Variants in ARHGAP15 observed in about 807,000 individuals in gnomAD.
The protein encoded by ARHGAP15 is rho GTPase-activating protein 15.
A neutral mutation model predicts 63.7 loss-of-function variants in ARHGAP15; 51 were observed. The observed-to-expected ratio is 0.80, with a 90% CI of 0.64 to 1.01. The LOEUF (loss-of-function observed/expected upper bound fraction) is 1.01, where lower values mean the gene tolerates loss of function less well. Among genes scored for constraint, ARHGAP15 ranks in the 50% least tolerant of loss-of-function variants. The pLI, the probability that ARHGAP15 is intolerant of heterozygous loss-of-function variation, is 0.00. For synonymous variants in ARHGAP15, 191 were observed against 193.8 expected, an observed-to-expected ratio of 0.99 and a Z score of 0.12; for missense variants, 560 against 564.6, an observed-to-expected ratio of 0.99 and a Z score of 0.08.
intron 13 of ARHGAP15, among the ~76,000 whole-genome samples, chr2:143,713,889 C>T (rs1184585993): frequency 6.6e-6 from 1 of 152,192 alleles, no homozygotes; most frequent in African/African-American, 2.4e-5. Context: ...AGGGTACAGC[C>T]TCCATCCTGG....
chr2:143,682,020 A>G (rs574494301), intron 12 of ARHGAP15, among the ~76,000 whole-genome samples: 56 of 152,224 alleles, frequency 3.7e-4, no homozygotes, highest in Non-Finnish European at 7.5e-4. Context: ...AGGTATCTTC[A>G]GCAGTGTCAA....
At chr2:143,320,415 C>G (rs1284842620) in intron 6 of ARHGAP15, among the ~76,000 whole-genome samples, 2 of 97,904 alleles carry the variant, frequency 2.0e-5, no homozygotes, top group African/African-American at 7.2e-5. Flanking sequence ...CCCACCCCCC[C>G]CCCCCCCAGA....
intron 8 of ARHGAP15, among the ~76,000 whole-genome samples, chr2:143,485,034 T>C (rs924367128): frequency 1.8e-4 from 28 of 152,246 alleles, no homozygotes; most frequent in Admixed American, 1.8e-3. Flanking sequence ...TGAGGACATC[T>C]GTTAACTCTC....
In ARHGAP15 at chr2:143,470,765, G is replaced by C. The variant is rs980578109; in HGVS notation, c.704-16608G>C. 2.7e-5 allele frequency among the ~76,000 whole-genome samples: 4 copies of C among 149,710 alleles called. No homozygotes were observed. The East Asian group carries it at 7.9e-4, about 30-fold the overall frequency. ...ATGGAGGTGATTGGTTACACTTCTT[G>C]TCAGTCATTCATCCTACTCCAAACA... On this transcript the variant is annotated intron_variant, in intron 8 of 13. Transcript: ENST00000295095.
intron 9 of ARHGAP15, among the ~76,000 whole-genome samples, chr2:143,491,132 C>A (rs1361603215): frequency 6.6e-6 from 1 of 152,050 alleles, no homozygotes; most frequent in Non-Finnish European, 1.5e-5. Flanking sequence ...AATGGTGAGC[C>A]CTTTTTAAAT....
At chr2:143,490,337 A>C (rs754174763) in intron 9 of ARHGAP15, among the ~76,000 whole-genome samples, 19 of 152,156 alleles carry the variant, frequency 1.2e-4, no homozygotes, top group Admixed American at 3.3e-4. Flanking sequence ...CTTTCACGTA[A>C]TTCACCAGTA....
At chr2:143,434,641 C>G (rs1305048993) in intron 6 of ARHGAP15, among the ~76,000 whole-genome samples, 1 of 152,124 alleles carries the variant, frequency 6.6e-6, no homozygotes, top group Non-Finnish European at 1.5e-5. Flanking sequence ...TGTCAGTCCT[C>G]TAAACCCCTG....
At chr2:143,689,630 TC>T (rs1291974849) in intron 12 of ARHGAP15, among the ~76,000 whole-genome samples, 5 of 152,206 alleles carry the variant, frequency 3.3e-5, no homozygotes, top group African/African-American at 1.2e-4. Flanking sequence ...TTAATTCTTA[TC>T]TAGCATACTT....
rs1174195840 is a variant in ARHGAP15, at chr2:143,289,795, AG to A, written c.474+39197del. On this transcript the variant is annotated intron_variant, in intron 6 of 13. Coordinates refer to ENST00000295095, the MANE Select transcript of ARHGAP15 (RefSeq NM_018460.4). ...TACCTAGTGGCTTTCACATAGTCTA[AG>A]GTAAGGCCAGAAGAAAAATAACCAA... Among the ~76,000 whole-genome samples, 8 of 152,314 alleles carry A rather than the reference AG, an allele frequency of 5.3e-5. No individual in the cohort carries two copies. In the East Asian group the frequency reaches 1.2e-3, roughly 22 times the overall value.
At chr2:143,628,441 G>A (rs1698928013) in intron 12 of ARHGAP15, among the ~76,000 whole-genome samples, 1 of 152,128 alleles carries the variant, frequency 6.6e-6, no homozygotes, top group African/African-American at 2.4e-5. Flanking sequence ...GTTGCACCCG[G>A]TCAAAGCCAC....
Position 143,412,218 on chromosome 2 carries a change from T to G in ARHGAP15, c.475-23383T>G, listed in dbSNP as rs559100853. Among the ~76,000 whole-genome samples the G allele has an allele frequency of 3.3e-5, 5 of 152,244 alleles. No homozygotes were observed. In the South Asian group the frequency reaches 1.0e-3, roughly 32 times the overall value. On this transcript the variant is annotated intron_variant, in intron 6 of 13. Transcript: ENST00000295095. ...ACAGTTCGGAAGCTCTATGTCGTGTTTTTAAGAGGTGGTCCCTGTGTTGAT... is the reference window on the plus strand; with the variant it reads ...ACAGTTCGGAAGCTCTATGTCGTGTGTTTAAGAGGTGGTCCCTGTGTTGAT...
intron 6 of ARHGAP15, among the ~76,000 whole-genome samples, chr2:143,414,821 A>G (rs1040669202): frequency 2.0e-5 from 3 of 152,300 alleles, no homozygotes; most frequent in African/African-American, 7.2e-5. Flanking sequence ...TAATCCCATT[A>G]CTTGAGAGGC....
At chr2:143,274,878 T>C (rs1681467351) in intron 6 of ARHGAP15, among the ~76,000 whole-genome samples, 1 of 152,076 alleles carries the variant, frequency 6.6e-6, no homozygotes, top group Non-Finnish European at 1.5e-5. Flanking sequence ...CAAACTCTTC[T>C]GTGCAATGAT....
At chr2:143,686,456 C>CA (rs1683354757) in intron 12 of ARHGAP15, among the ~76,000 whole-genome samples, 1 of 146,762 alleles carries the variant, frequency 6.8e-6, no homozygotes, top group Non-Finnish European at 1.5e-5. Context: ...CAATCACTCC[C>CA]AACCCCTAAG....
intron 6 of ARHGAP15, among the ~76,000 whole-genome samples, chr2:143,313,839 GCACTT>G (rs1391443457): frequency 1.3e-5 from 2 of 152,036 alleles, no homozygotes; most frequent in African/African-American, 4.8e-5. Flanking sequence ...CATCAAGCAG[GCACTT>G]GGAACTTTTA....
At chr2:143,532,936 TCAAA>T (rs879358794) in intron 10 of ARHGAP15, among the ~76,000 whole-genome samples, 55 of 152,288 alleles carry the variant, frequency 3.6e-4, no homozygotes, top group Middle Eastern at 3.4e-3. Context: ...ACCAAAAAAC[TCAAA>T]CAAAAACAGG....
intron 13 of ARHGAP15, among the ~76,000 whole-genome samples, chr2:143,721,541 TCTGA>T (rs1285437000): frequency 6.6e-6 from 1 of 152,152 alleles, no homozygotes; most frequent in African/African-American, 2.4e-5. Flanking sequence ...GCCAAAAGTG[TCTGA>T]CTCTCAAGAT....
At chr2:143,450,772 A>G (rs1690371029) in intron 8 of ARHGAP15, among the ~76,000 whole-genome samples, 1 of 151,994 alleles carries the variant, frequency 6.6e-6, no homozygotes, top group African/African-American at 2.4e-5. Context: ...GCACTTAAGA[A>G]TAACAGTTGG....
chr2:143,548,350 A>G (rs1344139528), intron 10 of ARHGAP15, among the ~76,000 whole-genome samples: 1 of 152,026 alleles, frequency 6.6e-6, no homozygotes, highest in Non-Finnish European at 1.5e-5. Context: ...TCTTCTTAGT[A>G]TATATGTATA....
Sources: gnomAD v4.1 joint callset for allele counts (sites outside exome capture counted in the v4.1 genomes callset) on GRCh38, gnomAD v4.1.1 for gene constraint, MANE v1.5 for transcripts, NCBI Gene and HGNC (gene_info 2026-07-23, HGNC 2026-07-21) for gene names.